The following CTNNA2 variants were observed in gnomAD, a reference collection of about 807,000 sequenced individuals.
CTNNA2 encodes the protein catenin alpha-2.
A neutral mutation model predicts 101.0 loss-of-function variants in CTNNA2; 42 were observed. That is an observed-to-expected ratio of 0.42 (90% CI 0.32 to 0.54). The LOEUF (loss-of-function observed/expected upper bound fraction) is 0.54, where lower values mean the gene tolerates loss of function less well. Among genes scored for constraint, CTNNA2 ranks in the 20% least tolerant of loss-of-function variants. The pLI is 0.14. For synonymous variants in CTNNA2, 450 were observed against 456.4 expected (o/e 0.99, Z 0.18); for missense variants, 871 against 1,223.1 (o/e 0.71, Z 4.29).
intron 3 of CTNNA2, among the ~76,000 whole-genome samples, chr2:79,846,470 T>A (rs1680238233): frequency 6.6e-6 from 1 of 152,238 alleles, no homozygotes; most frequent in East Asian, 1.9e-4. Context: ...TCAGTTTTAC[T>A]AATGAAAATT....
At chr2:79,407,581 T>C (rs1479358943) in intron 4 of CTNNA2, among the ~76,000 whole-genome samples, 1 of 151,886 alleles carries the variant, frequency 6.6e-6, no homozygotes, top group African/African-American at 2.4e-5. Flanking sequence ...ACCCTCTCCA[T>C]AGTACCCTCT....
chr2:79,477,168 C>CTTTTTTTTTTTTTTTTTTTTTTTTTTT (rs5832392), intron 4 of CTNNA2, among the ~76,000 whole-genome samples: 7 of 123,142 alleles, frequency 5.7e-5, no homozygotes, highest in African/African-American at 9.8e-5. Flanking sequence ...TCTTTTTTTT[C>CTTTTTTTTTTTTTTTTTTTTTTTTTTT]TTTTTTTTTT....
intron 9 of CTNNA2, among the ~76,000 whole-genome samples, chr2:80,529,850 CCTA>C (rs1690375823): frequency 6.6e-6 from 1 of 152,078 alleles, no homozygotes; most frequent in African/African-American, 2.4e-5. Context: ...GTAAAAATGA[CCTA>C]CTGAGGATGA....
At chr2:80,508,056 G>A (rs767553738) in intron 9 of CTNNA2, among the ~76,000 whole-genome samples, 1 of 152,122 alleles carries the variant, frequency 6.6e-6, no homozygotes, top group African/African-American at 2.4e-5. Context: ...CTATTGGATG[G>A]CCTCAGTTTT....
chr2:79,845,003 T>TAC (rs1558574284), intron 3 of CTNNA2, among the ~76,000 whole-genome samples: 1 of 42,890 alleles, frequency 2.3e-5, no homozygotes, highest in Non-Finnish European at 4.5e-5. Flanking sequence ...CACACACACA[T>TAC]ATATTTGTGT....
At chr2:80,333,895 T>C (rs1211816777) in intron 7 of CTNNA2, among the ~76,000 whole-genome samples, 1 of 152,196 alleles carries the variant, frequency 6.6e-6, no homozygotes, top group Non-Finnish European at 1.5e-5. Flanking sequence ...AGTGCTGGGA[T>C]TATAGGCGCG....
At chr2:80,630,707 T>A (rs1468283813) in intron 18 of CTNNA2, among the ~76,000 whole-genome samples, 6 of 152,228 alleles carry the variant, frequency 3.9e-5, no homozygotes, top group South Asian at 2.1e-4. Flanking sequence ...AACTACATTT[T>A]AAAAAATAAG....
chr2:79,419,471 G>A (rs1211046049), intron 4 of CTNNA2, among the ~76,000 whole-genome samples: 6 of 152,078 alleles, frequency 3.9e-5, no homozygotes, highest in Non-Finnish European at 8.8e-5. Flanking sequence ...AACTGGAGTG[G>A]ATGCTGTTTA....
chr2:79,525,687 C>T (rs1216270611), intron 1 of CTNNA2, among the ~76,000 whole-genome samples: 2 of 151,858 alleles, frequency 1.3e-5, no homozygotes, highest in Non-Finnish European at 2.9e-5. Flanking sequence ...AGGCATTTTG[C>T]TTTGTAGAAT....
intron 7 of CTNNA2, among the ~76,000 whole-genome samples, chr2:79,985,854 C>T (rs924345318): frequency 4.6e-5 from 7 of 152,104 alleles, no homozygotes; most frequent in Admixed American, 1.3e-4. Flanking sequence ...GATATCATAC[C>T]AGGGCAAGTG....
intron 4 of CTNNA2, among the ~76,000 whole-genome samples, chr2:79,396,521 G>A (rs142848456): frequency 5.9e-5 from 9 of 152,122 alleles, no homozygotes; most frequent in East Asian, 3.9e-4. Context: ...GTTGCTCACT[G>A]AAGAAGGAGA....
Position 79,712,928 on chromosome 2 carries a change from C to T in CTNNA2, c.103-31459C>T, listed in dbSNP as rs542643638. 3.7e-3 allele frequency among the ~76,000 whole-genome samples: 556 copies of T among 152,154 alleles called. 3 individuals are homozygous for T. The highest frequency in any genetic ancestry group is 3.3e-3 in the Admixed American group (51 of 15,278). On this transcript the variant is annotated intron_variant, in intron 2 of 18. Transcript: ENST00000402739. The stretch of plus-strand genomic sequence containing the variant: ...CCATAATTTTCACAAAATAAGAATA[C>T]GTTAATTCTAGAAACTGGGATTGGT...
At chr2:80,521,010 T>C (rs1172420852) in intron 9 of CTNNA2, among the ~76,000 whole-genome samples, 1 of 152,020 alleles carries the variant, frequency 6.6e-6, no homozygotes, top group Non-Finnish European at 1.5e-5. Flanking sequence ...GAGGCAGGGG[T>C]ACCAGGTGAA....
At position 80,105,626 on chromosome 2, in the gene CTNNA2, A is replaced by G. The variant is rs191594989; in HGVS notation, c.1056+195829A>G. Among the ~76,000 whole-genome samples the G allele has an allele frequency of 5.9e-5, 9 of 151,820 alleles. No individual in the cohort carries two copies. The South Asian group carries it at 8.4e-4, about 14-fold the overall frequency. On this transcript the variant is annotated intron_variant, in intron 7 of 18. Coordinates refer to ENST00000402739, the MANE Select transcript of CTNNA2 (RefSeq NM_001282597.3). ...TTGGCGCATGGCTGTGGTCCCAGCT[A>G]TTTGGGAGGCTGAGGATCTCTTGAG...
At chr2:79,697,144 A>G (rs1684700670) in intron 2 of CTNNA2, among the ~76,000 whole-genome samples, 1 of 152,028 alleles carries the variant, frequency 6.6e-6, no homozygotes, top group Non-Finnish European at 1.5e-5. Flanking sequence ...TTAACAATTT[A>G]AATAGAATTT....
At chr2:79,196,468 A>G (rs938418275) in intron 1 of CTNNA2, among the ~76,000 whole-genome samples, 5 of 152,154 alleles carry the variant, frequency 3.3e-5, no homozygotes, top group African/African-American at 4.8e-5. Flanking sequence ...ACCAGTTACA[A>G]CTTCTGCCTA....
rs116665968 is a variant in CTNNA2 at position 79,792,476 on chromosome 2, A to G, written c.298+47894A>G. Among the ~76,000 whole-genome samples the G allele has an allele frequency of 3.9e-3, 592 of 152,230 alleles. 4 individuals carry two copies. The highest frequency in any genetic ancestry group is 0.012 in the African/African-American group (516 of 41,546). On this transcript the variant is annotated intron_variant, in intron 3 of 18. Transcript: ENST00000402739. ...GGCTGACTTTTTAGCTTGCAGTGTAATGTCTTAGATCCTGTGACATGCTGG... is the reference window on the plus strand; with the variant it reads ...GGCTGACTTTTTAGCTTGCAGTGTAGTGTCTTAGATCCTGTGACATGCTGG...
intron 9 of CTNNA2, among the ~76,000 whole-genome samples, chr2:80,432,002 A>G (rs1681572705): frequency 6.6e-6 from 1 of 152,094 alleles, no homozygotes; most frequent in Non-Finnish European, 1.5e-5. Flanking sequence ...GTGGTGTGGC[A>G]TTCTTTTTAT....
intron 7 of CTNNA2, among the ~76,000 whole-genome samples, chr2:80,160,391 A>T (rs1470337549): frequency 6.6e-6 from 1 of 152,186 alleles, no homozygotes; most frequent in East Asian, 1.9e-4. Flanking sequence ...ATTTGGGTAG[A>T]ATTGATGTCT....
Sources: allele counts gnomAD v4.1 joint callset (sites outside exome capture counted in the v4.1 genomes callset), GRCh38; gene constraint gnomAD v4.1.1; transcripts MANE v1.5; gene names NCBI Gene and HGNC (gene_info 2026-07-23, HGNC 2026-07-21).